MAPK8IP1: variants seen among roughly 807,000 people sequenced by gnomAD.
MAPK8IP1 encodes the protein mitogen-activated protein kinase 8 interacting protein 1, also known as C-Jun-amino-terminal kinase-interacting protein 1.
MAPK8IP1 carries 17 observed loss-of-function variants against 72.6 expected under a neutral mutation model. The observed-to-expected ratio is 0.23, with a 90% CI of 0.16 to 0.35. The LOEUF is 0.35. Among genes scored for constraint, MAPK8IP1 ranks in the 10% least tolerant of loss-of-function variants. MAPK8IP1 has a pLI of 1.00. For synonymous variants in MAPK8IP1, 401 were observed against 443.4 expected (o/e 0.90, Z 1.20); for missense variants, 789 against 1,009.7 (o/e 0.78, Z 2.96).
Position 45,906,147 on chromosome 11 carries a change from GC to G in MAPK8IP1, c.*430del. The G allele has an allele frequency of 2.9e-6, 1 of 343,696 alleles. No individual in the cohort carries two copies. The highest frequency in any genetic ancestry group is 5.4e-6 in the Non-Finnish European group (1 of 184,532). 21.3% of individuals were successfully genotyped at this position (343,696 alleles called of 1,614,324 possible). A position where few individuals can be genotyped will look rare whatever the true frequency, so the allele number is the denominator to read the frequency against. ...ACCTGCAAGTGCCCGCCCTGCCCCT[GC>G]CCCAACCCCCACCGAAGAGCCCTGA... On this transcript the variant is annotated 3_prime_UTR_variant, in exon 12 of 12. Transcript: ENST00000241014.
rs922131720 is a variant in MAPK8IP1 at position 45,885,981 on chromosome 11, G to T, written c.101+60G>T. ...CAGCGGGGACTGATCCGCATTGGCT[G>T]CCCTGCCCGCCCCCCACCCCAGAAC... is the stretch of plus-strand genomic sequence containing the variant. On this transcript the variant is annotated intron_variant, in intron 1 of 11. Transcript: ENST00000241014. 1.5e-5 allele frequency: 16 copies of T among 1,081,876 alleles called. No homozygotes were observed. In the Admixed American group the frequency reaches 5.6e-4, roughly 38 times the overall value. 67.0% of individuals were successfully genotyped at this position (1,081,876 alleles called of 1,614,324 possible). A position where few individuals can be genotyped will look rare whatever the true frequency, so the allele number is the denominator to read the frequency against.
At chr11:45,897,815 G>T (rs997800102) in intron 1 of MAPK8IP1, among the ~76,000 whole-genome samples, 8 of 152,202 alleles carry the variant, frequency 5.3e-5, no homozygotes, top group African/African-American at 1.9e-4. Flanking sequence ...CCTGCTGGTT[G>T]GCAACAGAAT....
intron 1 of MAPK8IP1, among the ~76,000 whole-genome samples, chr11:45,891,066 A>T (rs1405716455): frequency 6.6e-6 from 1 of 152,122 alleles, no homozygotes; most frequent in Non-Finnish European, 1.5e-5. Flanking sequence ...TTGGATGTGG[A>T]GGCAGAGAGT....
rs1239738750 is a variant in MAPK8IP1, at chr11:45,900,166, G to A, written c.236G>A (p.Gly79Asp). 1.5e-6 allele frequency: 2 copies of A among 1,308,158 alleles called. No individual in the cohort carries two copies. Among genetic ancestry groups the A allele is most frequent in the African/African-American group, 1.6e-5 (1 of 64,162 alleles). The allele number at this position is 1,308,158 out of a possible 1,614,324, so 81.0% of individuals were successfully genotyped here. Residue 79 changes from glycine (G) to aspartate (D), a missense_variant, in exon 3 of 12, where the codon GGC (glycine) becomes GAC (aspartate). By Grantham distance (94) the Gly-to-Asp change is moderately conservative. Around this residue, in one of 4 missense-constraint regions of MAPK8IP1, gnomAD observed 112 missense variants for 111.8 expected, o/e 1.00. Transcript: ENST00000241014. This position sits in a 1 kb window ranked among gnomAD's most constrained non-coding sequence, Gnocchi z 6.5. ...CCGCGCGCCGGGCTGCTCTCTGCGG[G>A]CGGCGGCGGCGCGGGGAGCCGGTTG... Reference protein sequence around the residue: ...RPPRAGLLSAGGGGAGSRLQA... With the variant: ...RPPRAGLLSADGGGAGSRLQA...
At position 45,904,393 on chromosome 11, in the gene MAPK8IP1, A is replaced by G; in HGVS notation, c.1667-62A>G. On this transcript the variant is annotated intron_variant, in intron 7 of 11. Transcript: ENST00000241014. The surrounding 1 kb of genome is among the most constrained non-coding windows in gnomAD (Gnocchi z 6.4). ...CCCCGTGCCTCACCCACCCTCCTTC[A>G]CTTGGCTGCTCAGCTCCCTCCTGCT... 7.0e-7 allele frequency: 1 copy of G among 1,424,976 alleles called. No homozygotes were observed. The highest frequency in any genetic ancestry group is 9.9e-7 in the Non-Finnish European group (1 of 1,015,120). 88.3% of individuals were successfully genotyped at this position (1,424,976 alleles called of 1,614,324 possible). A position where few individuals can be genotyped will look rare whatever the true frequency, so the allele number is the denominator to read the frequency against.
rs746801318 is a variant in MAPK8IP1, at chr11:45,902,425, C to G, written c.658C>G (p.Gln220Glu). 28 of 1,585,828 alleles carry G rather than the reference C, an allele frequency of 1.8e-5. No homozygotes were observed. The highest frequency in any genetic ancestry group is 6.7e-5 in the African/African-American group (5 of 74,516). ...CTGCCTGAGCGATGAGCTGCCCCCC[C>G]AGAGCGGCCCCGCCCCCACCACAGA... ...HICLSDELPP[Q>E]SGPAPTTDRG... Residue 220 changes from glutamine to glutamate, a missense_variant, in exon 5 of 12, where the codon CAG (glutamine) becomes GAG (glutamate). Physicochemically the swap from Gln to Glu is conservative, Grantham distance 29. This residue lies in a region of MAPK8IP1 where 377 missense variants were observed against 411.7 expected (regional missense o/e 0.92). Transcript: ENST00000241014. This position sits in a 1 kb window ranked among gnomAD's most constrained non-coding sequence, Gnocchi z 9.3.
Position 45,903,064 on chromosome 11 carries a change from G to A in MAPK8IP1, c.1297G>A (p.Glu433Lys). ...YESAIGEEYEEAPRPQPPACL... is the reference protein window; with the variant it reads ...YESAIGEEYEKAPRPQPPACL... ...GTCGGCCATCGGAGAGGAATATGAG[G>A]AGGCCCCGCGGCCCCAGCCCCCTGC... The change falls in exon 5 of 12, where the codon GAG (glutamate) becomes AAG (lysine). Residue 433 changes from glutamate to lysine, a missense_variant. Transcript: ENST00000241014. The surrounding 1 kb of genome is among the most constrained non-coding windows in gnomAD (Gnocchi z 6.4). The A allele has an allele frequency of 6.2e-7, 1 of 1,611,516 alleles. No individual in the cohort carries two copies. Among genetic ancestry groups the A allele is most frequent in the Non-Finnish European group, 8.5e-7 (1 of 1,179,906 alleles).
chr11:45,897,891 T>G (rs2086620307), intron 1 of MAPK8IP1, among the ~76,000 whole-genome samples, 194 bp from the exon 2 acceptor site: 1 of 152,202 alleles, frequency 6.6e-6, no homozygotes, highest in South Asian at 2.1e-4. Flanking sequence ...CTAGGAGGAC[T>G]GCCTTTTGGC....
chr11:45,889,216 G>A (rs2086548889), intron 1 of MAPK8IP1, among the ~76,000 whole-genome samples: 1 of 152,112 alleles, frequency 6.6e-6, no homozygotes, highest in South Asian at 2.1e-4. Context: ...TTAAATAATT[G>A]TGTGCATGAA....
Position 45,904,262 on chromosome 11 carries a change from G to C in MAPK8IP1, c.1666+101G>C. The C allele has an allele frequency of 2.2e-6, 3 of 1,357,028 alleles. No individual in the cohort carries two copies. Among genetic ancestry groups the C allele is most frequent in the Non-Finnish European group, 3.1e-6 (3 of 969,016 alleles). The allele number at this position is 1,357,028 out of a possible 1,614,324, so 84.1% of individuals were successfully genotyped here. ...CTCCAGATCTCAGCCAGCCAGGTGG[G>C]GGGCTGAGTGGAAGTGATTTTAGGT... On this transcript the variant is annotated intron_variant, in intron 7 of 11. Coordinates refer to ENST00000241014, the MANE Select transcript of MAPK8IP1 (RefSeq NM_005456.4). The surrounding 1 kb of genome is among the most constrained non-coding windows in gnomAD (Gnocchi z 6.4).
chr11:45,886,566 G>A (rs1202667332), intron 1 of MAPK8IP1, among the ~76,000 whole-genome samples: 2 of 152,188 alleles, frequency 1.3e-5, no homozygotes, highest in Non-Finnish European at 2.9e-5. Context: ...AGTAGCCAGG[G>A]CCAGCGAGGG....
intron 1 of MAPK8IP1, among the ~76,000 whole-genome samples, chr11:45,889,709 C>T (rs1054915170): frequency 6.6e-6 from 1 of 152,060 alleles, no homozygotes; most frequent in South Asian, 2.1e-4. Flanking sequence ...CAAGAGAGGG[C>T]GAGTGGCTCC....
At chr11:45,888,697 T>C (rs2086545162) in intron 1 of MAPK8IP1, among the ~76,000 whole-genome samples, 2 of 152,000 alleles carry the variant, frequency 1.3e-5, no homozygotes, top group South Asian at 4.2e-4. Context: ...TTATTTTACA[T>C]ACTTTTTTTT....
rs2086687638 is a variant in MAPK8IP1, at chr11:45,904,593, T to C, written c.1776+29T>C. The C allele has an allele frequency of 6.2e-7, 1 of 1,606,218 alleles. No individual in the cohort carries two copies. Among genetic ancestry groups the C allele is most frequent in the African/African-American group, 1.3e-5 (1 of 74,860 alleles). On this transcript the variant is annotated intron_variant, in intron 8 of 11. Coordinates refer to ENST00000241014, the MANE Select transcript of MAPK8IP1 (RefSeq NM_005456.4). The surrounding 1 kb of genome is among the most constrained non-coding windows in gnomAD (Gnocchi z 6.4). ...CCTGAGCCCTCTCCCTTCTCCTCCC[T>C]TGGATGGGTCCCTGGGGCAGAGGGA...
In MAPK8IP1 at chr11:45,900,518, G is replaced by A. The variant is rs1401320875; in HGVS notation, c.522+66G>A. The A allele has an allele frequency of 1.3e-6, 2 of 1,504,818 alleles. No individual in the cohort carries two copies. The highest frequency in any genetic ancestry group is 1.8e-6 in the Non-Finnish European group (2 of 1,129,236). The allele number at this position is 1,504,818 out of a possible 1,614,324, so 93.2% of individuals were successfully genotyped here. Reference sequence around the variant, plus strand: ...GGAGATGTGAGGGGGAGCGCAGAGGGGCTGCAGCGGGAAGGGGCACCCACG... The same window carrying A: ...GGAGATGTGAGGGGGAGCGCAGAGGAGCTGCAGCGGGAAGGGGCACCCACG... On this transcript the variant is annotated intron_variant, in intron 3 of 11. Transcript: ENST00000241014. The surrounding 1 kb of genome is among the most constrained non-coding windows in gnomAD (Gnocchi z 6.5).
At position 45,900,069 on chromosome 11, in the gene MAPK8IP1, G is replaced by A. The variant is rs1297111837; in HGVS notation, c.208-69G>A. 6.0e-6 allele frequency: 6 copies of A among 999,876 alleles called. No individual in the cohort carries two copies. The highest frequency in any genetic ancestry group is 1.7e-5 in the African/African-American group (1 of 58,640). 61.9% of individuals were successfully genotyped at this position (999,876 alleles called of 1,614,324 possible). On this transcript the variant is annotated intron_variant, in intron 2 of 11. Coordinates refer to ENST00000241014, the MANE Select transcript of MAPK8IP1 (RefSeq NM_005456.4). This position sits in a 1 kb window ranked among gnomAD's most constrained non-coding sequence, Gnocchi z 6.5. The stretch of plus-strand genomic sequence containing the variant: ...GCCACAGAATGGACTCGCCCGGGCG[G>A]GGGGCGGTGCAAGCGGCCTCGGCCC...
rs1565075174 is a variant in MAPK8IP1 at position 45,903,251 on chromosome 11, T to C, written c.1417+67T>C. The C allele has an allele frequency of 1.3e-6, 2 of 1,583,502 alleles. No homozygotes were observed. The highest frequency in any genetic ancestry group is 1.7e-6 in the Non-Finnish European group (2 of 1,161,644). On this transcript the variant is annotated intron_variant, in intron 5 of 11. Coordinates refer to ENST00000241014, the MANE Select transcript of MAPK8IP1 (RefSeq NM_005456.4). The surrounding 1 kb of genome is among the most constrained non-coding windows in gnomAD (Gnocchi z 6.4). ...GCGGGGGCAGAGCCAAAATGCGAAG[T>C]GTTCTGGGAGGCGACCCCAGGCCCC...
Position 45,906,304 on chromosome 11 carries a change from G to A in MAPK8IP1, c.*583G>A, listed in dbSNP as rs1315101047. The A allele has an allele frequency of 7.5e-6, 3 of 397,490 alleles. No homozygotes were observed. The highest frequency in any genetic ancestry group is 2.0e-5 in the African/African-American group (1 of 48,878). 24.6% of individuals were successfully genotyped at this position (397,490 alleles called of 1,614,324 possible). ...GTGGCTCCTGCCACTGACCTCACCG[G>A]CATGCTGGCCTGTGGCAGGCCTAGG... is the stretch of plus-strand genomic sequence containing the variant. On this transcript the variant is annotated 3_prime_UTR_variant, in exon 12 of 12. Transcript: ENST00000241014.
rs1590787321 is a variant in MAPK8IP1 at position 45,902,234 on chromosome 11, T to C, written c.605-138T>C. On this transcript the variant is annotated intron_variant, in intron 4 of 11. Coordinates refer to ENST00000241014, the MANE Select transcript of MAPK8IP1 (RefSeq NM_005456.4). The surrounding 1 kb of genome is among the most constrained non-coding windows in gnomAD (Gnocchi z 9.3). The stretch of plus-strand genomic sequence containing the variant: ...TCAGTGGTGGCATGAGTGAGTTGAC[T>C]GGCCCCAGAGCCTGCGAAGGGCCTG... 1.6e-5 allele frequency: 16 copies of C among 975,426 alleles called. No individual in the cohort carries two copies. The East Asian group carries it at 3.8e-4, about 23-fold the overall frequency. The allele number at this position is 975,426 out of a possible 1,614,324, so 60.4% of individuals were successfully genotyped here.
Sources: gnomAD v4.1 joint callset for allele counts (sites outside exome capture counted in the v4.1 genomes callset) on GRCh38, gnomAD v4.1.1 for gene constraint, gnomAD v4.1.1 regional missense constraint, Gnocchi (gnomAD v3.1) non-coding constraint, MANE v1.5 for transcripts, NCBI Gene and HGNC (gene_info 2026-07-23, HGNC 2026-07-21) for gene names.